Variants in SDHAF2 observed in about 807,000 individuals in gnomAD.
SDHAF2 encodes the protein succinate dehydrogenase assembly factor 2, mitochondrial.
In SDHAF2, 21 loss-of-function variants were observed where a neutral mutation model predicts 18.5. That is an observed-to-expected ratio of 1.13 (90% CI 0.80 to 1.63). SDHAF2 has a LOEUF of 1.63. Ranked by LOEUF, SDHAF2 falls within the 40% of genes most tolerant of loss-of-function variation. The probability of loss-of-function intolerance (pLI) is 0.00; values close to 1 mark genes in which losing one functional copy is unlikely to be tolerated. For missense variants in SDHAF2, 195 were observed against 200.3 expected, an observed-to-expected ratio of 0.97 and a Z score of 0.16; for synonymous variants, 84 against 70.7, an observed-to-expected ratio of 1.19 and a Z score of -0.94.
chr11:61,446,564 C>G lies in SDHAF2; in HGVS notation c.*493C>G. On this transcript the variant is annotated 3_prime_UTR_variant, in exon 4 of 4. Transcript: ENST00000301761. ...TCCTTCTGCGAAGGGAAGCTGATCC[C>G]AGCCTCCTGAGCTGAATCCTTCAAA... is the stretch of plus-strand genomic sequence containing the variant. 2.2e-6 allele frequency: 1 copy of G among 462,588 alleles called. No homozygotes were observed. Among genetic ancestry groups the G allele is most frequent in the Admixed American group, 3.8e-5 (1 of 26,566 alleles). The allele number at this position is 462,588 out of a possible 1,614,324, so 28.7% of individuals were successfully genotyped here.
intron 2 of SDHAF2, 59 bp from the exon 3 acceptor site, chr11:61,437,945 C>T: frequency 6.3e-7 from 1 of 1,579,610 alleles, no homozygotes; most frequent in Non-Finnish European, 8.7e-7. Flanking sequence ...GGTGTCACTT[C>T]TCTTTTATTA....
rs1371376884 is a variant in SDHAF2 at position 61,437,740 on chromosome 11, C to G, written c.152C>G (p.Pro51Arg). 2 of 1,614,036 alleles carry G rather than the reference C, an allele frequency of 1.2e-6. No individual in the cohort carries two copies. The highest frequency in any genetic ancestry group is 3.3e-5 in the Admixed American group (2 of 60,006). Residue 51 changes from proline (P) to arginine (R), a missense_variant, in exon 2 of 4, where the codon CCT (proline) becomes CGT (arginine). By Grantham distance (103) the Pro-to-Arg change is moderately radical. Transcript: ENST00000301761. Reference sequence around the variant, plus strand: ...TCCCAAAAGGACATGATTGAAATCCCTTTGCCTCCATGGCAGGAGAGAACT... The same window carrying G: ...TCCCAAAAGGACATGATTGAAATCCGTTTGCCTCCATGGCAGGAGAGAACT... ...TDSQKDMIEIPLPPWQERTDE... is the reference protein window; with the variant it reads ...TDSQKDMIEIRLPPWQERTDE...
chr11:61,446,455 C>T lies in SDHAF2; in HGVS notation c.*384C>T. 1.9e-6 allele frequency: 1 copy of T among 532,776 alleles called. No individual in the cohort carries two copies. The highest frequency in any genetic ancestry group is 3.3e-6 in the Non-Finnish European group (1 of 303,402). 33.0% of individuals were successfully genotyped at this position (532,776 alleles called of 1,614,324 possible). A position where few individuals can be genotyped will look rare whatever the true frequency, so the allele number is the denominator to read the frequency against. On this transcript the variant is annotated 3_prime_UTR_variant, in exon 4 of 4. Transcript: ENST00000301761. Reference sequence around the variant, plus strand: ...CCAGCTGTGCGTGCTGTATGGAAAGCCTCCCGCCCTCCCTGCAGCTCCCCG... The same window carrying T: ...CCAGCTGTGCGTGCTGTATGGAAAGTCTCCCGCCCTCCCTGCAGCTCCCCG...
In SDHAF2 at chr11:61,437,740, C is replaced by T. The variant is rs1371376884; in HGVS notation, c.152C>T (p.Pro51Leu). The change falls in exon 2 of 4, where the codon CCT (proline) becomes CTT (leucine). Residue 51 changes from proline (P) to leucine (L), a missense_variant. Pro to Leu is a moderately conservative substitution (Grantham distance 98). Coordinates refer to ENST00000301761, the MANE Select transcript of SDHAF2 (RefSeq NM_017841.4). ...TCCCAAAAGGACATGATTGAAATCC[C>T]TTTGCCTCCATGGCAGGAGAGAACT... The part of the protein sequence containing the change: ...TDSQKDMIEI[P>L]LPPWQERTDE... The T allele has an allele frequency of 1.2e-6, 2 of 1,614,154 alleles. No homozygotes were observed. The highest frequency in any genetic ancestry group is 1.7e-6 in the Non-Finnish European group (2 of 1,179,998).
intron 3 of SDHAF2, among the ~76,000 whole-genome samples, chr11:61,443,323 T>C (rs940019661): frequency 6.6e-6 from 1 of 152,230 alleles, no homozygotes; most frequent in Non-Finnish European, 1.5e-5. Flanking sequence ...CTTTTTCCAC[T>C]GGCGCCTTTA....
chr11:61,442,075 T>C (rs1862074021), intron 3 of SDHAF2, among the ~76,000 whole-genome samples: 1 of 151,994 alleles, frequency 6.6e-6, no homozygotes, highest in African/African-American at 2.4e-5. Flanking sequence ...GTATTTTTTG[T>C]GGAGATGAGG....
chr11:61,446,575 G>T lies in SDHAF2; in HGVS notation c.*504G>T. ...AGGGAAGCTGATCCCAGCCTCCTGA[G>T]CTGAATCCTTCAAAGGCACAGCAGG... On this transcript the variant is annotated 3_prime_UTR_variant, in exon 4 of 4. Coordinates refer to ENST00000301761, the MANE Select transcript of SDHAF2 (RefSeq NM_017841.4). 1 of 451,674 alleles carries T rather than the reference G, an allele frequency of 2.2e-6. No homozygotes were observed. The highest frequency in any genetic ancestry group is 3.9e-6 in the Non-Finnish European group (1 of 257,102). 28.0% of individuals were successfully genotyped at this position (451,674 alleles called of 1,614,324 possible).
At chr11:61,440,954 C>T (rs1269056897) in intron 3 of SDHAF2, among the ~76,000 whole-genome samples, 7 of 152,082 alleles carry the variant, frequency 4.6e-5, no homozygotes, top group African/African-American at 7.2e-5. Context: ...ATAATTCCAG[C>T]GCTTTGGAAG....
chr11:61,437,086 T>C, intron 1 of SDHAF2: 1 of 1,126,258 alleles, frequency 8.9e-7, no homozygotes, highest in Non-Finnish European at 1.1e-6. Context: ...GTTAGGACTG[T>C]GTTTTAATTC....
In SDHAF2 at chr11:61,446,023, G is replaced by A. The variant is rs1271900425; in HGVS notation, c.453G>A (p.Gln151=). The stretch of plus-strand genomic sequence containing the variant: ...TTGCTAAAAACAAAAACAAAGAGCA[G>A]AGACTGCGTGCCCCAGATCTTGAGT... ...RDFAKNKNKE[Q]RLRAPDLEYL... The change falls in exon 4 of 4, where the codon CAG becomes CAA. Residue 151 remains glutamine (Q), a synonymous_variant. Transcript: ENST00000301761. 5 of 1,614,208 alleles carry A rather than the reference G, an allele frequency of 3.1e-6. No homozygotes were observed. Among genetic ancestry groups the A allele is most frequent in the Non-Finnish European group, 4.2e-6 (5 of 1,180,044 alleles).
intron 1 of SDHAF2, chr11:61,436,915 G>A (rs1423843230): frequency 7.8e-7 from 1 of 1,286,248 alleles, no homozygotes; most frequent in Admixed American, 2.3e-5. Context: ...GAGCCTTTGG[G>A]GGATTAGGGA....
chr11:61,444,976 A>G (rs1862120862), intron 3 of SDHAF2, among the ~76,000 whole-genome samples: 1 of 151,864 alleles, frequency 6.6e-6, no homozygotes. Flanking sequence ...TTGTTGTTAC[A>G]GTGAGTGCAA....
chr11:61,436,331 G>A (rs1861993406), intron 1 of SDHAF2, among the ~76,000 whole-genome samples: 1 of 152,082 alleles, frequency 6.6e-6, no homozygotes, highest in African/African-American at 2.4e-5. Context: ...CTAGAATGTT[G>A]GATGCATACT....
At chr11:61,438,138 A>G in intron 3 of SDHAF2, 25 bp downstream of exon 3, 2 of 1,528,274 alleles carry the variant, frequency 1.3e-6, no homozygotes, top group South Asian at 1.1e-5. Context: ...AAGCAGCATA[A>G]TGTGAAAATA....
intron 3 of SDHAF2, among the ~76,000 whole-genome samples, chr11:61,438,532 C>G (rs1043531454): frequency 2.0e-5 from 3 of 152,166 alleles, no homozygotes; most frequent in African/African-American, 7.2e-5. Flanking sequence ...GAAGTAGACA[C>G]TCAACCCAAA....
chr11:61,437,979 T>C, intron 2 of SDHAF2, 25 bp from the exon 3 acceptor site: 1 of 1,608,348 alleles, frequency 6.2e-7, no homozygotes, highest in Admixed American at 1.7e-5. Context: ...CAACCTCTTT[T>C]TCTTTTTTTC....
intron 1 of SDHAF2, chr11:61,436,731 G>A (rs1232761056): frequency 8.2e-6 from 4 of 487,628 alleles, no homozygotes; most frequent in Admixed American, 5.1e-5. Flanking sequence ...GGGAGCAGGA[G>A]CCTCTTACTG....
In SDHAF2 at chr11:61,446,413, T is replaced by G; in HGVS notation, c.*342T>G. 1.7e-6 allele frequency: 1 copy of G among 575,516 alleles called. No homozygotes were observed. Among genetic ancestry groups the G allele is most frequent in the South Asian group, 2.3e-5 (1 of 44,046 alleles). 35.7% of individuals were successfully genotyped at this position (575,516 alleles called of 1,614,324 possible). A position where few individuals can be genotyped will look rare whatever the true frequency, so the allele number is the denominator to read the frequency against. ...GCTCATTGCCTCAGCCCAAGTGTAC[T>G]CAAAGAAAAGAGGCAGCCAGCTGTG... On this transcript the variant is annotated 3_prime_UTR_variant, in exon 4 of 4. Coordinates refer to ENST00000301761, the MANE Select transcript of SDHAF2 (RefSeq NM_017841.4).
intron 3 of SDHAF2, among the ~76,000 whole-genome samples, chr11:61,444,708 A>C (rs994443526): frequency 1.3e-5 from 2 of 152,064 alleles, no homozygotes; most frequent in Admixed American, 6.6e-5. Flanking sequence ...GCACCACTGC[A>C]CTCCAGCCTG....
Sources: gnomAD v4.1 joint callset for allele counts (sites outside exome capture counted in the v4.1 genomes callset) on GRCh38, gnomAD v4.1.1 for gene constraint, MANE v1.5 for transcripts, NCBI Gene and HGNC (gene_info 2026-07-23, HGNC 2026-07-21) for gene names.